The following C10orf90 variants were observed in gnomAD, a reference collection of about 807,000 sequenced individuals.
C10orf90 encodes chromosome 10 open reading frame 90.
Under a neutral mutation model 62.5 loss-of-function variants are expected in C10orf90, and 56 were observed. The ratio of observed to expected loss-of-function variants is 0.90; its 90% confidence interval spans 0.72 to 1.12. The LOEUF is 1.12. Ranked by LOEUF, C10orf90 falls within the 50% of genes most tolerant of loss-of-function variation. The pLI is 0.00. For synonymous variants in C10orf90, 386 were observed against 340.4 expected, an observed-to-expected ratio of 1.13 and a Z score of -1.47; for missense variants, 970 against 880.4, an observed-to-expected ratio of 1.10 and a Z score of -1.29.
Position 126,455,484 on chromosome 10 carries a change from A to G in C10orf90, c.2188+3556T>C, listed in dbSNP as rs80277755. Among the ~76,000 whole-genome samples, 41 of 152,288 alleles carry G rather than the reference A, an allele frequency of 2.7e-4. No individual in the cohort carries two copies. The East Asian group carries it at 4.1e-3, about 15-fold the overall frequency. ...TGCCTCTTCACCCGCCTGCTTCCCC[A>G]CAAGGTGGGCAGACTAGGGACTGTG... On this transcript the variant is annotated intron_variant, in intron 7 of 9. Coordinates refer to ENST00000488181, the MANE Select transcript of C10orf90 (RefSeq NM_001350921.2).
At chr10:126,626,352 C>T (rs998989321) in intron 2 of C10orf90, among the ~76,000 whole-genome samples, 1 of 152,038 alleles carries the variant, frequency 6.6e-6, no homozygotes, top group East Asian at 1.9e-4. Context: ...CCTATGGGGA[C>T]CATTTGCCTC....
At position 126,504,795 on chromosome 10, in the gene C10orf90, T is replaced by C; in HGVS notation, c.696A>G (p.Arg232=). 1.3e-6 allele frequency: 2 copies of C among 1,586,416 alleles called. No homozygotes were observed. Among genetic ancestry groups the C allele is most frequent in the Non-Finnish European group, 1.7e-6 (2 of 1,165,782 alleles). ...KEERPCGGPR[R]GFASITITAR... Reference sequence around the variant, plus strand: ...CCGTGATGGTGATGGATGCAAACCCTCTGCGGGGGCCCCCACAGGGTCTCT... The same window carrying C: ...CCGTGATGGTGATGGATGCAAACCCCCTGCGGGGGCCCCCACAGGGTCTCT... Residue 232 remains arginine (R), a synonymous_variant, in exon 4 of 10, where the codon AGA becomes AGG. Transcript: ENST00000488181. The surrounding 1 kb of genome is among the most constrained non-coding windows in gnomAD (Gnocchi z 4.1).
At chr10:126,440,844 A>C (rs1228390135) in intron 7 of C10orf90, among the ~76,000 whole-genome samples, 1 of 152,178 alleles carries the variant, frequency 6.6e-6, no homozygotes, top group African/African-American at 2.4e-5. Flanking sequence ...AAAGGGGGAG[A>C]GTACTACATC....
intron 4 of C10orf90, among the ~76,000 whole-genome samples, chr10:126,499,676 A>T (rs1862267785): frequency 6.6e-6 from 1 of 152,224 alleles, no homozygotes; most frequent in South Asian, 2.1e-4. Flanking sequence ...CCTTCCAGTC[A>T]TCCACATCTT....
At chr10:126,429,718 C>T in intron 8 of C10orf90, 69 bp downstream of exon 8, 2 of 1,284,224 alleles carry the variant, frequency 1.6e-6, no homozygotes, top group East Asian at 2.3e-5. Flanking sequence ...CATTGGAGGG[C>T]ACCTGAAGCC....
intron 4 of C10orf90, among the ~76,000 whole-genome samples, chr10:126,467,925 G>T (rs536122917): frequency 3.3e-5 from 5 of 152,092 alleles, no homozygotes; most frequent in African/African-American, 7.2e-5. Context: ...AGCTACTCTT[G>T]GATGGCACCC....
At chr10:126,459,296 A>C in intron 6 of C10orf90, 79 bp from the exon 7 acceptor site, 1 of 1,538,768 alleles carries the variant, frequency 6.5e-7, no homozygotes, top group Non-Finnish European at 8.9e-7. Context: ...TGCAGCCAAG[A>C]AGCCGATGGC....
At chr10:126,525,740 A>G (rs986842221) in intron 2 of C10orf90, among the ~76,000 whole-genome samples, 1 of 152,166 alleles carries the variant, frequency 6.6e-6, no homozygotes, top group Non-Finnish European at 1.5e-5. Flanking sequence ...AGAAACTCAA[A>G]GTGGCCTCTC....
intron 4 of C10orf90, chr10:126,502,894 A>T: frequency 2.1e-6 from 1 of 487,368 alleles, no homozygotes. Flanking sequence ...AATTGCCTTA[A>T]AAATCTCTGA....
chr10:126,592,518 C>G (rs1845001968), intron 2 of C10orf90, among the ~76,000 whole-genome samples: 2 of 152,174 alleles, frequency 1.3e-5, no homozygotes, highest in Admixed American at 6.5e-5. Context: ...GGACCCCTTC[C>G]TTACACCTTA....
chr10:126,449,933 G>A (rs1859057163), intron 7 of C10orf90, among the ~76,000 whole-genome samples: 1 of 150,608 alleles, frequency 6.6e-6, no homozygotes, highest in Non-Finnish European at 1.5e-5. Flanking sequence ...GGAGGCAGAG[G>A]TTGCAGTGAG....
intron 4 of C10orf90, 67 bp from the exon 5 acceptor site, chr10:126,465,053 C>T (rs868074908): frequency 7.2e-6 from 11 of 1,529,602 alleles, no homozygotes; most frequent in East Asian, 6.8e-5. Context: ...TGACTTCTAC[C>T]GCACATGGTG....
At chr10:126,667,225 A>AT (rs1846648962) in intron 1 of C10orf90, among the ~76,000 whole-genome samples, 1 of 151,370 alleles carries the variant, frequency 6.6e-6, no homozygotes, top group African/African-American at 2.4e-5. Context: ...CACCCAGCTA[A>AT]TTTTTTGTAT....
intron 2 of C10orf90, among the ~76,000 whole-genome samples, chr10:126,576,717 A>ATATATATGT (rs1354426352): frequency 2.4e-5 from 1 of 42,156 alleles, no homozygotes; most frequent in Admixed American, 2.2e-4. Context: ...ATATATATAC[A>ATATATATGT]AGATATACAT....
At chr10:126,634,045 T>C (rs1225457595) in intron 2 of C10orf90, among the ~76,000 whole-genome samples, 1 of 152,202 alleles carries the variant, frequency 6.6e-6, no homozygotes, top group Non-Finnish European at 1.5e-5. Flanking sequence ...TGTAGAATGT[T>C]GCAGCCACTA....
At chr10:126,488,056 GAAT>G (rs1278436989) in intron 4 of C10orf90, among the ~76,000 whole-genome samples, 15 of 151,894 alleles carry the variant, frequency 9.9e-5, no homozygotes, top group Non-Finnish European at 2.1e-4. Context: ...ACAAAAAGTG[GAAT>G]GAGAAAAAAA....
chr10:126,528,128 G>A (rs1863998368), intron 2 of C10orf90, among the ~76,000 whole-genome samples: 1 of 152,134 alleles, frequency 6.6e-6, no homozygotes, highest in African/African-American at 2.4e-5. Flanking sequence ...CCAGGTCCCA[G>A]TATGGCCTTT....
chr10:126,429,851 C>T lies in C10orf90; in HGVS notation c.2189-1G>A. The T allele has an allele frequency of 6.2e-7, 1 of 1,613,282 alleles. No individual in the cohort carries two copies. The highest frequency in any genetic ancestry group is 1.1e-5 in the South Asian group (1 of 91,032). ...CGTTCTTTGGGTTTGAACAAGTTAT[C>T]TGGAAAAAATAGAAAGAGAATTAAG... is the stretch of plus-strand genomic sequence containing the variant. On this transcript the variant is annotated splice_acceptor_variant, in intron 7 of 9. Transcript: ENST00000488181. LOFTEE classifies it high-confidence loss of function.
intron 2 of C10orf90, among the ~76,000 whole-genome samples, chr10:126,531,746 A>G (rs1864101032): frequency 6.6e-6 from 1 of 152,220 alleles, no homozygotes; most frequent in African/African-American, 2.4e-5. Flanking sequence ...GCACCCAGAA[A>G]ATAACAACTA....
Sources: allele counts gnomAD v4.1 joint callset (sites outside exome capture counted in the v4.1 genomes callset), GRCh38; gene constraint gnomAD v4.1.1; non-coding constraint Gnocchi (gnomAD v3.1); transcripts MANE v1.5; gene names NCBI Gene and HGNC (gene_info 2026-07-23, HGNC 2026-07-21).